Variants in TCF4 observed in about 807,000 individuals in gnomAD.
The protein encoded by TCF4 is transcription factor 4, also known as SL3-3 enhancer factor 2.
TCF4 carries 3 observed loss-of-function variants against 82.1 expected under a neutral mutation model. The ratio of observed to expected loss-of-function variants is 0.04; its 90% confidence interval spans 0.02 to 0.09. The LOEUF (loss-of-function observed/expected upper bound fraction) is 0.09, where lower values mean the gene tolerates loss of function less well. Ranked by LOEUF, TCF4 falls within the 10% of genes least tolerant of loss-of-function variation. TCF4 has a pLI of 1.00. For synonymous variants in TCF4, 276 were observed against 309.6 expected, an observed-to-expected ratio of 0.89 and a Z score of 1.14; for missense variants, 518 against 852.7, an observed-to-expected ratio of 0.61 and a Z score of 4.89.
Position 55,461,076 on chromosome 18 carries a change from T to C in TCF4, c.247A>G (p.Arg83Gly). 3 of 1,613,424 alleles carry C rather than the reference T, an allele frequency of 1.9e-6. No homozygotes were observed. Among genetic ancestry groups the C allele is most frequent in the Non-Finnish European group, 2.5e-6 (3 of 1,179,542 alleles). Reference sequence around the variant, plus strand: ...AGATTGTCATGTGACCCAAGGTCCCTGCTGGTCATGTGGTCATAGGGAGTC... The same window carrying C: ...AGATTGTCATGTGACCCAAGGTCCCCGCTGGTCATGTGGTCATAGGGAGTC... ...DGTPYDHMTS[R>G]DLGSHDNLSP... Residue 83 changes from arginine to glycine, a missense_variant, in exon 5 of 20, where the codon AGG becomes GGG. Arg to Gly is a moderately radical substitution (Grantham distance 125). Coordinates refer to ENST00000354452, the MANE Select transcript of TCF4 (RefSeq NM_001083962.2).
At chr18:55,399,923 CACAA>C (rs2093721746) in intron 6 of TCF4, among the ~76,000 whole-genome samples, 1 of 140,298 alleles carries the variant, frequency 7.1e-6, no homozygotes, top group Non-Finnish European at 1.5e-5. Flanking sequence ...CACACACACA[CACAA>C]TACTAAAAAT....
At chr18:55,323,529 G>A (rs1371375423) in intron 8 of TCF4, among the ~76,000 whole-genome samples, 2 of 152,258 alleles carry the variant, frequency 1.3e-5, no homozygotes, top group African/African-American at 4.8e-5. Context: ...CACTTGCTCT[G>A]CATTTATTCG....
At chr18:55,305,233 C>A (rs1390849438) in intron 8 of TCF4, among the ~76,000 whole-genome samples, 1 of 152,134 alleles carries the variant, frequency 6.6e-6, no homozygotes, top group Non-Finnish European at 1.5e-5. Context: ...AGAGAGAAGG[C>A]TGAAAGGCAC....
intron 6 of TCF4, among the ~76,000 whole-genome samples, chr18:55,357,874 A>C (rs780701010): frequency 4.6e-5 from 7 of 152,212 alleles, no homozygotes; most frequent in Non-Finnish European, 8.8e-5. Context: ...TAACAATCTG[A>C]ACCTGTAAAT....
chr18:55,441,590 C>A (rs1163173579), intron 5 of TCF4, among the ~76,000 whole-genome samples: 1 of 151,976 alleles, frequency 6.6e-6, no homozygotes, highest in East Asian at 1.9e-4. Context: ...TTAAACAATA[C>A]AAAATAGAAC....
chr18:55,587,280 A>C, intron 1 of TCF4, 144 bp from the exon 2 acceptor site: 1 of 411,966 alleles, frequency 2.4e-6, no homozygotes, highest in Non-Finnish European at 4.5e-6. Context: ...GGGATGGGAG[A>C]CTTGTTGTTG....
intron 3 of TCF4, among the ~76,000 whole-genome samples, chr18:55,471,461 G>A (rs115758894): frequency 0.096 from 14,547 of 152,206 alleles, 835 homozygotes; most frequent in South Asian, 0.2. Context: ...AGCACTTTGG[G>A]AAGCCGAGGC....
chr18:55,260,166 AAAT>A, intron 12 of TCF4, 139 bp from the exon 13 acceptor site: 1 of 688,960 alleles, frequency 1.5e-6, no homozygotes. Context: ...TACAGTACCA[AAAT>A]TGTCAAATGA....
intron 3 of TCF4, among the ~76,000 whole-genome samples, chr18:55,545,404 C>T (rs975379322): frequency 2.6e-5 from 4 of 152,048 alleles, no homozygotes; most frequent in African/African-American, 9.7e-5. Flanking sequence ...ATCCCATTCA[C>T]TTGTTTTGGT....
chr18:55,428,676 A>C (rs2095077632), intron 5 of TCF4, among the ~76,000 whole-genome samples: 1 of 152,192 alleles, frequency 6.6e-6, no homozygotes, highest in African/African-American at 2.4e-5. Flanking sequence ...ACTATGCTCT[A>C]TCATTATCTT....
chr18:55,621,304 T>C (rs1337427291), intron 2 of TCF4, among the ~76,000 whole-genome samples: 1 of 148,948 alleles, frequency 6.7e-6, no homozygotes, highest in Admixed American at 6.9e-5. Context: ...CAGTAAATGC[T>C]CAAAAAGATT....
intron 3 of TCF4, among the ~76,000 whole-genome samples, chr18:55,489,873 A>G (rs1486998323): frequency 4.6e-5 from 7 of 152,140 alleles, no homozygotes; most frequent in Non-Finnish European, 7.4e-5. Flanking sequence ...CCACATCCCA[A>G]TCCCGGCTCG....
At chr18:55,277,964 A>G (rs2061784383) in intron 9 of TCF4, among the ~76,000 whole-genome samples, 1 of 152,152 alleles carries the variant, frequency 6.6e-6, no homozygotes, top group Non-Finnish European at 1.5e-5. Flanking sequence ...CCCAGGTGAC[A>G]TAGCCTGCTG....
intron 3 of TCF4, among the ~76,000 whole-genome samples, chr18:55,562,413 T>C (rs966002736): frequency 2.0e-5 from 3 of 152,244 alleles, no homozygotes; most frequent in Admixed American, 1.3e-4. Context: ...TTTTTAGCTT[T>C]ATAAAATCAA....
chr18:55,229,168 A>C, intron 17 of TCF4, 92 bp from the exon 18 acceptor site: 2 of 1,459,462 alleles, frequency 1.4e-6, no homozygotes, highest in South Asian at 1.1e-5. Context: ...TTTTCAGGGA[A>C]CTTTTCCATC....
chr18:55,624,591 A>G (rs1407212584), intron 2 of TCF4, among the ~76,000 whole-genome samples: 7 of 151,872 alleles, frequency 4.6e-5, no homozygotes, highest in Non-Finnish European at 8.8e-5. Flanking sequence ...AAAAAAAAAA[A>G]AAGAATAGCC....
At chr18:55,350,789 T>C in intron 7 of TCF4, 85 bp downstream of exon 7, 1 of 1,547,172 alleles carries the variant, frequency 6.5e-7, no homozygotes, top group South Asian at 1.1e-5. Flanking sequence ...GGAGGTAGGA[T>C]GGGGGGGCGA....
At chr18:55,411,959 T>C (rs1435359720) in intron 5 of TCF4, among the ~76,000 whole-genome samples, 4 of 152,162 alleles carry the variant, frequency 2.6e-5, no homozygotes, top group Admixed American at 2.0e-4. Flanking sequence ...CAGGCTGGTC[T>C]TGAACTCCCG....
chr18:55,262,754 A>G (rs190515385), intron 11 of TCF4, among the ~76,000 whole-genome samples: 1 of 152,236 alleles, frequency 6.6e-6, no homozygotes, highest in East Asian at 1.9e-4. Context: ...TGCTTAGCAT[A>G]GCTAATTTAT....
Sources: gnomAD v4.1 joint callset for allele counts (sites outside exome capture counted in the v4.1 genomes callset) on GRCh38, gnomAD v4.1.1 for gene constraint, MANE v1.5 for transcripts, NCBI Gene and HGNC (gene_info 2026-07-23, HGNC 2026-07-21) for gene names.